The following MRAP variants were observed in gnomAD, a reference collection of about 807,000 sequenced individuals.
The protein encoded by MRAP is melanocortin 2 receptor accessory protein, also known as melanocortin-2 receptor accessory protein.
In MRAP, 8 loss-of-function variants were observed where a neutral mutation model predicts 8.7. The ratio of observed to expected loss-of-function variants is 0.92; its 90% CI spans 0.54 to 1.66. The LOEUF (loss-of-function observed/expected upper bound fraction) is 1.66, where lower values mean the gene tolerates loss of function less well. MRAP is among the 40% of genes most tolerant of loss of function. The pLI is 0.00. For synonymous variants in MRAP, 95 were observed against 95.5 expected (o/e 1.00, Z 0.03); for missense variants, 237 against 217.1 (o/e 1.09, Z -0.58).
intron 2 of MRAP, among the ~76,000 whole-genome samples, chr21:32,310,643 C>T (rs940952925): frequency 6.8e-6 from 1 of 147,912 alleles, no homozygotes; most frequent in Admixed American, 6.8e-5. Flanking sequence ...GGACACATTT[C>T]TTTTTTTTTT....
Position 32,312,286 on chromosome 21 carries a change from G to A in MRAP, c.*290G>A. The stretch of plus-strand genomic sequence containing the variant: ...AAATAAAATATATGCAAATCAAGAG[G>A]AAAAGCTGTTTGCTTACTAATCTTT... On this transcript the variant is annotated 3_prime_UTR_variant, in exon 3 of 3. Transcript: ENST00000303645. 1 of 1,358,742 alleles carries A rather than the reference G, an allele frequency of 7.4e-7. No homozygotes were observed. Among genetic ancestry groups the A allele is most frequent in the South Asian group, 1.5e-5 (1 of 64,914 alleles). The allele number at this position is 1,358,742 out of a possible 1,614,324, so 84.2% of individuals were successfully genotyped here.
chr21:32,298,852 C>A, upstream of MRAP: 1 of 742,576 alleles, frequency 1.3e-6, no homozygotes, highest in Non-Finnish European at 2.4e-6. Context: ...AGCCTAGAGA[C>A]CCACAGACAC....
In MRAP at chr21:32,312,237, A is replaced by G; in HGVS notation, c.*241A>G. 2.1e-6 allele frequency: 3 copies of G among 1,432,728 alleles called. No homozygotes were observed. The highest frequency in any genetic ancestry group is 2.9e-5 in the South Asian group (2 of 68,098). The allele number at this position is 1,432,728 out of a possible 1,614,324, so 88.8% of individuals were successfully genotyped here. A position where few individuals can be genotyped will look rare whatever the true frequency, so the allele number is the denominator to read the frequency against. ...CACCTAGCCTGCTTGCTTACTGCTT[A>G]TATTTGCTCAGGGAAGAGTAGGAAA... is the stretch of plus-strand genomic sequence containing the variant. On this transcript the variant is annotated 3_prime_UTR_variant, in exon 3 of 3. Coordinates refer to ENST00000303645, the MANE Select transcript of MRAP (RefSeq NM_001379228.1).
intron 1 of MRAP, among the ~76,000 whole-genome samples, chr21:32,301,356 T>C (rs1601099876): frequency 6.6e-6 from 1 of 152,138 alleles, no homozygotes; most frequent in East Asian, 1.9e-4. Flanking sequence ...TGATAGTGAG[T>C]GAGTTATTAG....
chr21:32,295,984 AAAC>A (rs1468575503), upstream of MRAP, among the ~76,000 whole-genome samples: 3 of 152,172 alleles, frequency 2.0e-5, no homozygotes, highest in African/African-American at 7.2e-5. Flanking sequence ...TCAAAAAACA[AAAC>A]AAAACAAAAC....
At chr21:32,309,240 T>G (rs1007956910) in intron 2 of MRAP, among the ~76,000 whole-genome samples, 2 of 151,888 alleles carry the variant, frequency 1.3e-5, no homozygotes, top group Admixed American at 6.6e-5. Flanking sequence ...GCTCCCAGTG[T>G]TGCCACACTG....
chr21:32,312,460 C>A, downstream of MRAP: 1 of 424,372 alleles, frequency 2.4e-6, no homozygotes, highest in Non-Finnish European at 3.6e-6. Flanking sequence ...ATCTGCCCTG[C>A]CAGGTCAGCT....
At chr21:32,298,470 T>A (rs1237890861), upstream of MRAP, among the ~76,000 whole-genome samples, 7 of 152,214 alleles carry the variant, frequency 4.6e-5, no homozygotes, top group Admixed American at 3.9e-4. Context: ...ATATTGAATC[T>A]AAGCCAGCAG....
At chr21:32,309,153 T>C (rs929101645) in intron 2 of MRAP, among the ~76,000 whole-genome samples, 10 of 152,184 alleles carry the variant, frequency 6.6e-5, no homozygotes, top group African/African-American at 2.4e-4. Context: ...GCTTAGCTTC[T>C]GGTGAGGGCC....
At chr21:32,296,092 C>A (rs1395780629), upstream of MRAP, among the ~76,000 whole-genome samples, 2 of 152,090 alleles carry the variant, frequency 1.3e-5, no homozygotes, top group African/African-American at 2.4e-5. Context: ...TTCTGAGGCC[C>A]CTTGCAATTG....
At position 32,306,627 on chromosome 21, in the gene MRAP, C is replaced by T; in HGVS notation, c.107-13C>T. 6.2e-7 allele frequency: 1 copy of T among 1,612,376 alleles called. No homozygotes were observed. The highest frequency in any genetic ancestry group is 1.1e-5 in the South Asian group (1 of 91,032). ...CATAACCCAGCGCTGAGATGCATCT[C>T]CTCCTCCCGCAGATTCCATCGTGAT... is the stretch of plus-strand genomic sequence containing the variant. On this transcript the variant is annotated splice_polypyrimidine_tract_variant and intron_variant, in intron 1 of 2. Transcript: ENST00000303645.
upstream of MRAP, among the ~76,000 whole-genome samples, chr21:32,295,558 C>T (rs2032124782): frequency 6.6e-6 from 1 of 152,204 alleles, no homozygotes; most frequent in Non-Finnish European, 1.5e-5. Flanking sequence ...GTTTGCCCGA[C>T]ACTCCTGGTG....
At chr21:32,304,552 T>G (rs1010211400) in intron 1 of MRAP, among the ~76,000 whole-genome samples, 53 of 151,470 alleles carry the variant, frequency 3.5e-4, no homozygotes, top group African/African-American at 1.2e-3. Context: ...CAGGCGGAGG[T>G]TGCAGTGAGC....
intron 1 of MRAP, among the ~76,000 whole-genome samples, chr21:32,300,630 TGCGTCACACGTCCTATGCCGGGG>T (rs1342989471): frequency 4.1e-5 from 5 of 122,780 alleles, no homozygotes; most frequent in South Asian, 2.6e-4. Context: ...GTATGTCAGA[TGCGTCACACGTCCTATGCCGGGG>T]GCGTCACACG....
In MRAP at chr21:32,306,666, A is replaced by AGCCTGGCTGC. The variant is rs1354689243; in HGVS notation, c.134_143dup (p.Phe49ProfsTer75). On this transcript the variant is annotated frameshift_variant, in exon 2 of 3. Coordinates refer to ENST00000303645, the MANE Select transcript of MRAP (RefSeq NM_001379228.1). LOFTEE classifies it high-confidence loss of function. ...TTCCATCGTGATCGCATTCTGGGTG[A>AGCCTGGCTGC]GCCTGGCTGCCTTCGTGGTGCTGCT... The AGCCTGGCTGC allele has an allele frequency of 3.7e-6, 6 of 1,614,090 alleles. No homozygotes were observed. The highest frequency in any genetic ancestry group is 5.1e-6 in the Non-Finnish European group (6 of 1,180,024).
intron 1 of MRAP, among the ~76,000 whole-genome samples, chr21:32,300,804 A>T (rs2032269184): frequency 7.2e-6 from 1 of 138,946 alleles, no homozygotes; most frequent in South Asian, 2.3e-4. Flanking sequence ...CATGCATCCT[A>T]TGTCAGGGGC....
downstream of MRAP, chr21:32,313,030 C>T (rs2032616933): frequency 6.6e-6 from 1 of 152,204 alleles, no homozygotes; most frequent in South Asian, 2.1e-4. Context: ...CTGATGAGCT[C>T]CAGAGATGCA....
At chr21:32,310,274 G>A (rs1023911048) in intron 2 of MRAP, among the ~76,000 whole-genome samples, 11 of 152,158 alleles carry the variant, frequency 7.2e-5, no homozygotes, top group South Asian at 6.2e-4. Context: ...TGCTCAGGGC[G>A]GCAAAGTGGA....
chr21:32,299,182 C>T (rs929480446), intron 1 of MRAP, 105 bp downstream of exon 1: 6 of 826,862 alleles, frequency 7.3e-6, no homozygotes, highest in Non-Finnish European at 1.0e-5. Flanking sequence ...CTCCGGTAGA[C>T]ATCATGGGAA....
Sources: allele counts gnomAD v4.1 joint callset (sites outside exome capture counted in the v4.1 genomes callset), GRCh38; gene constraint gnomAD v4.1.1; transcripts MANE v1.5; gene names NCBI Gene and HGNC (gene_info 2026-07-23, HGNC 2026-07-21).